Variants in ASIC2 observed in about 807,000 individuals in gnomAD.
ASIC2 encodes acid sensing ion channel subunit 2.
ASIC2 carries 25 observed loss-of-function variants against 57.3 expected under a neutral mutation model. The ratio of observed to expected loss-of-function variants is 0.44; its 90% CI spans 0.32 to 0.61. ASIC2 has a LOEUF of 0.61. ASIC2 is among the 20% of genes least tolerant of loss of function. The probability of loss-of-function intolerance (pLI) is 0.06; values close to 1 mark genes in which losing one functional copy is unlikely to be tolerated. For missense variants in ASIC2, 641 were observed against 738.1 expected (o/e 0.87, Z 1.52); for synonymous variants, 319 against 307.5 (o/e 1.04, Z -0.39).
intron 1 of ASIC2, chr17:34,039,518 G>C (rs1908022191): frequency 1.2e-6 from 2 of 1,613,872 alleles, no homozygotes; most frequent in Non-Finnish European, 1.7e-6. Flanking sequence ...CGCGGTAAGG[G>C]ATTGGATAAG....
chr17:33,313,652 G>A (rs1906525219), intron 1 of ASIC2, among the ~76,000 whole-genome samples: 1 of 152,132 alleles, frequency 6.6e-6, no homozygotes, highest in Non-Finnish European at 1.5e-5. Context: ...ACTGAACGAT[G>A]GGCCCCTGTG....
intron 1 of ASIC2, among the ~76,000 whole-genome samples, chr17:33,347,913 C>G (rs914101238): frequency 6.6e-6 from 1 of 152,064 alleles, no homozygotes; most frequent in African/African-American, 2.4e-5. Context: ...ACCAGCCTGG[C>G]CAACATGGTG....
intron 1 of ASIC2, among the ~76,000 whole-genome samples, chr17:33,728,648 C>T (rs540267358): frequency 6.6e-6 from 1 of 152,246 alleles, no homozygotes; most frequent in East Asian, 1.9e-4. Context: ...CTGGGTCTAT[C>T]TAACTATTGA....
At chr17:33,784,264 A>T (rs1911541601) in intron 1 of ASIC2, among the ~76,000 whole-genome samples, 2 of 152,182 alleles carry the variant, frequency 1.3e-5, no homozygotes, top group Non-Finnish European at 2.9e-5. Context: ...ATTCAGGGAG[A>T]TAATACATGG....
rs191199938 is a variant in ASIC2, at chr17:34,140,178, G to A, written c.555+15800C>T. Among the ~76,000 whole-genome samples, 78 of 152,278 alleles carry A rather than the reference G, an allele frequency of 5.1e-4. 1 individual carries two copies. Among genetic ancestry groups the A allele is most frequent in the African/African-American group, 1.7e-3 (70 of 41,544 alleles). ...GCGAAGGAGAAGAGGGCATCCAAGCGGAACAGAAGCCCAGTGGGATAGGAA... is the reference window on the plus strand; with the variant it reads ...GCGAAGGAGAAGAGGGCATCCAAGCAGAACAGAAGCCCAGTGGGATAGGAA... On this transcript the variant is annotated intron_variant, in intron 1 of 9. Transcript: ENST00000359872.
At chr17:33,910,730 A>G (rs1464618970) in intron 1 of ASIC2, among the ~76,000 whole-genome samples, 1 of 152,204 alleles carries the variant, frequency 6.6e-6, no homozygotes, top group Non-Finnish European at 1.5e-5. Flanking sequence ...ACCACCTATC[A>G]TGGACTGCCT....
intron 3 of ASIC2, among the ~76,000 whole-genome samples, chr17:33,081,264 T>C (rs2092112045): frequency 6.6e-6 from 1 of 152,224 alleles, no homozygotes. Flanking sequence ...AAAACTTGAC[T>C]CTTGGCAAAA....
chr17:34,062,209 C>T (rs1392967164), intron 1 of ASIC2, among the ~76,000 whole-genome samples: 2 of 152,074 alleles, frequency 1.3e-5, no homozygotes, highest in African/African-American at 2.4e-5. Context: ...TGGAAATCAA[C>T]TCCAAAAGGA....
At position 33,859,861 on chromosome 17, in the gene ASIC2, C is replaced by A. The variant is rs548647134; in HGVS notation, c.555+296117G>T. ...GCTACCACACCTAGCTAATTTAAAA[C>A]AAAATTGTAGAAACGGGGCCTCACT... is the stretch of plus-strand genomic sequence containing the variant. On this transcript the variant is annotated intron_variant, in intron 1 of 9. Transcript: ENST00000359872. Among the ~76,000 whole-genome samples, 7 of 152,214 alleles carry A rather than the reference C, an allele frequency of 4.6e-5. No homozygotes were observed. In the East Asian group the frequency reaches 1.4e-3, roughly 29 times the overall value.
chr17:33,445,275 A>G lies in ASIC2; in HGVS notation c.556-333208T>C, dbSNP rs554413359. 2.6e-5 allele frequency among the ~76,000 whole-genome samples: 4 copies of G among 152,156 alleles called. No homozygotes were observed. In the South Asian group the frequency reaches 8.3e-4, roughly 32 times the overall value. On this transcript the variant is annotated intron_variant, in intron 1 of 9. Transcript: ENST00000359872. ...AAACCCTGTCTCTACTAAAAATACA[A>G]AAAAAATTAACTGGGCGTGGTGGCA... is the stretch of plus-strand genomic sequence containing the variant.
intron 1 of ASIC2, among the ~76,000 whole-genome samples, chr17:33,962,381 C>T (rs545333571): frequency 6.6e-6 from 1 of 152,050 alleles, no homozygotes; most frequent in African/African-American, 2.4e-5. Context: ...ATAGTAGATG[C>T]TCTAATACCC....
At chr17:33,192,371 A>C (rs1241496273) in intron 1 of ASIC2, among the ~76,000 whole-genome samples, 1 of 151,844 alleles carries the variant, frequency 6.6e-6, no homozygotes, top group Non-Finnish European at 1.5e-5. Context: ...CAAGAAGAGC[A>C]AAACTCAGTC....
At chr17:33,546,938 G>T (rs546442061) in intron 1 of ASIC2, among the ~76,000 whole-genome samples, 18 of 152,142 alleles carry the variant, frequency 1.2e-4, no homozygotes, top group Non-Finnish European at 2.4e-4. Flanking sequence ...TAATTTGCAA[G>T]TACCTCTCCA....
At chr17:34,123,444 G>A (rs1911686047) in intron 1 of ASIC2, among the ~76,000 whole-genome samples, 1 of 152,168 alleles carries the variant, frequency 6.6e-6, no homozygotes, top group African/African-American at 2.4e-5. Flanking sequence ...AGACTCCTGG[G>A]GAATGGCAGC....
At chr17:33,609,563 G>A (rs1351125692) in intron 1 of ASIC2, among the ~76,000 whole-genome samples, 1 of 152,136 alleles carries the variant, frequency 6.6e-6, no homozygotes, top group Non-Finnish European at 1.5e-5. Context: ...AAGCCTTCCT[G>A]CAACCCCAGT....
chr17:33,363,605 C>G (rs1026963608), intron 1 of ASIC2, among the ~76,000 whole-genome samples: 1 of 152,228 alleles, frequency 6.6e-6, no homozygotes, highest in Non-Finnish European at 1.5e-5. Flanking sequence ...CCACTGAACA[C>G]CAGTGCGCAT....
Position 33,275,422 on chromosome 17 carries a change from C to T in ASIC2, c.708+15986G>A, listed in dbSNP as rs149818293. ...TCTGGCCATAGCAGATCCTTCTAGA[C>T]TTCAGTGGAAAGTAATAAAAACGCC... On this transcript the variant is annotated intron_variant, in intron 1 of 9. Transcript: ENST00000225823. Among the ~76,000 whole-genome samples the T allele has an allele frequency of 2.2e-4, 33 of 152,352 alleles. No individual in the cohort carries two copies. In the East Asian group the frequency reaches 6.0e-3, roughly 28 times the overall value.
intron 1 of ASIC2, among the ~76,000 whole-genome samples, chr17:33,991,653 C>T (rs571897769): frequency 3.3e-5 from 5 of 152,298 alleles, no homozygotes; most frequent in African/African-American, 4.8e-5. Context: ...GCTTTCTCAA[C>T]GTTCCACAAA....
chr17:33,588,540 G>A (rs1056687954), intron 1 of ASIC2, among the ~76,000 whole-genome samples: 1 of 152,202 alleles, frequency 6.6e-6, no homozygotes, highest in African/African-American at 2.4e-5. Flanking sequence ...AACTTTCCAT[G>A]TGCTAGGAGT....
Sources: gnomAD v4.1 joint callset for allele counts (sites outside exome capture counted in the v4.1 genomes callset) on GRCh38, gnomAD v4.1.1 for gene constraint, MANE v1.5 for transcripts, NCBI Gene and HGNC (gene_info 2026-07-23, HGNC 2026-07-21) for gene names.